The following FXR1 variants were observed in gnomAD, a reference collection of about 807,000 sequenced individuals.
FXR1 encodes RNA-binding protein FXR1.
In FXR1, 15 loss-of-function variants were observed where a neutral mutation model predicts 84.0. That is an observed-to-expected ratio of 0.18 (90% CI 0.12 to 0.27). FXR1 has a LOEUF of 0.27. Among genes scored for constraint, FXR1 ranks in the 10% least tolerant of loss-of-function variants. The pLI, the probability that FXR1 is intolerant of heterozygous loss-of-function variation, is 1.00. For synonymous variants in FXR1, 245 were observed against 250.7 expected, an observed-to-expected ratio of 0.98 and a Z score of 0.21; for missense variants, 480 against 774.4, an observed-to-expected ratio of 0.62 and a Z score of 4.51.
intron 8 of FXR1, among the ~76,000 whole-genome samples, chr3:180,953,158 TAAAG>T (rs902644471): frequency 2.6e-5 from 4 of 152,208 alleles, no homozygotes; most frequent in African/African-American, 7.2e-5. Context: ...CTGTGGTTAT[TAAAG>T]AACACACGTT....
intron 15 of FXR1, among the ~76,000 whole-genome samples, chr3:180,972,453 CAAAA>C (rs772593538): frequency 1.3e-4 from 20 of 149,822 alleles, no homozygotes; most frequent in Non-Finnish European, 2.2e-4. Flanking sequence ...GACCCTGTCT[CAAAA>C]AAAAATGTTT....
chr3:180,935,577 G>A (rs751654284), intron 3 of FXR1, among the ~76,000 whole-genome samples: 1 of 152,100 alleles, frequency 6.6e-6, no homozygotes, highest in African/African-American at 2.4e-5. Flanking sequence ...TTGTCTTAAC[G>A]ATTTGCCTGG....
At chr3:180,924,493 G>A (rs1718940925) in intron 1 of FXR1, among the ~76,000 whole-genome samples, 1 of 152,184 alleles carries the variant, frequency 6.6e-6, no homozygotes, top group Non-Finnish European at 1.5e-5. Context: ...GCTGTGTAGG[G>A]TGCAGAGCAG....
At chr3:180,950,450 T>C (rs1722114782) in intron 7 of FXR1, among the ~76,000 whole-genome samples, 2 of 152,190 alleles carry the variant, frequency 1.3e-5, no homozygotes, top group Non-Finnish European at 2.9e-5. Flanking sequence ...TTAAAAAAAT[T>C]TATGTGGGTT....
At chr3:180,915,702 T>C in intron 1 of FXR1, 1 of 698,606 alleles carries the variant, frequency 1.4e-6, no homozygotes. Flanking sequence ...TGGCCGTAAG[T>C]GTGAATTGCC....
chr3:180,924,254 G>T (rs1454362479), intron 1 of FXR1, among the ~76,000 whole-genome samples: 1 of 151,954 alleles, frequency 6.6e-6, no homozygotes, highest in Non-Finnish European at 1.5e-5. Context: ...CCAGCCTTCA[G>T]CCCGAGTTTC....
intron 3 of FXR1, among the ~76,000 whole-genome samples, chr3:180,945,553 C>T (rs991556646): frequency 4.6e-5 from 7 of 152,114 alleles, no homozygotes; most frequent in Admixed American, 4.6e-4. Context: ...CACAGGTGCA[C>T]GCTACGACAC....
Position 180,981,987 on chromosome 3 carries a change from C to G in FXR1, c.*5695C>G, listed in dbSNP as rs1301847373. On this transcript the variant is annotated 3_prime_UTR_variant, in exon 17 of 17. Coordinates refer to ENST00000357559, the MANE Select transcript of FXR1 (RefSeq NM_005087.4). The stretch of plus-strand genomic sequence containing the variant: ...TAAAGACAAAGGCCCCAAGCTAGAT[C>G]TGTAGAGATAAGTACTAGACTCACA... The G allele has an allele frequency of 1.3e-5, 2 of 152,002 alleles. No individual in the cohort carries two copies. The highest frequency in any genetic ancestry group is 2.9e-5 in the Non-Finnish European group (2 of 67,934). 9.4% of individuals were successfully genotyped at this position (152,002 alleles called of 1,614,324 possible).
chr3:180,945,919 T>C (rs1721648947), intron 3 of FXR1, among the ~76,000 whole-genome samples: 1 of 134,894 alleles, frequency 7.4e-6, no homozygotes, highest in South Asian at 2.4e-4. Flanking sequence ...ATACATCGTT[T>C]GAGAAATACA....
chr3:180,923,402 T>C (rs1289418631), intron 1 of FXR1, among the ~76,000 whole-genome samples: 2 of 152,186 alleles, frequency 1.3e-5, no homozygotes, highest in Non-Finnish European at 2.9e-5. Context: ...AGGGATCTTA[T>C]TTTCCTTACA....
intron 1 of FXR1, chr3:180,927,613 TA>T: frequency 1.7e-6 from 1 of 595,368 alleles, no homozygotes; most frequent in South Asian, 1.9e-5. Context: ...ATTCATAAAG[TA>T]AGCAGATATC....
chr3:180,958,409 G>T (rs1395533416), intron 10 of FXR1, among the ~76,000 whole-genome samples: 1 of 152,010 alleles, frequency 6.6e-6, no homozygotes, highest in African/African-American at 2.4e-5. Flanking sequence ...TCCACACTGA[G>T]TCTCCAAAGT....
chr3:180,941,318 G>T (rs2108454557), intron 3 of FXR1, among the ~76,000 whole-genome samples: 1 of 151,776 alleles, frequency 6.6e-6, no homozygotes, highest in East Asian at 1.9e-4. Flanking sequence ...TCAGCTTCTT[G>T]AGTAGCTGGG....
rs1001674702 is a variant in FXR1 at position 180,980,655 on chromosome 3, G to GTGTT, written c.*4364_*4367dup. On this transcript the variant is annotated 3_prime_UTR_variant, in exon 17 of 17. Transcript: ENST00000357559. Reference sequence around the variant, plus strand: ...TTTCATTAACTGAAACTGCTGTAAGGTGTTAGCAAATGTTAACCATAACAG... The same window carrying GTGTT: ...TTTCATTAACTGAAACTGCTGTAAGGTGTTTGTTAGCAAATGTTAACCATAACAG... 1.4e-4 allele frequency: 21 copies of GTGTT among 151,906 alleles called. No individual in the cohort carries two copies. The highest frequency in any genetic ancestry group is 4.6e-4 in the African/African-American group (19 of 41,414). The allele number at this position is 151,906 out of a possible 1,614,324, so 9.4% of individuals were successfully genotyped here.
At chr3:180,974,252 G>A (rs905827744) in intron 15 of FXR1, among the ~76,000 whole-genome samples, 1 of 149,874 alleles carries the variant, frequency 6.7e-6, no homozygotes, top group Non-Finnish European at 1.5e-5. Context: ...TCCACCTCCC[G>A]GGTTCAAGCA....
In FXR1 at chr3:180,963,078, A is replaced by G. The variant is rs777462606; in HGVS notation, c.1186A>G (p.Thr396Ala). 5 of 1,429,322 alleles carry G rather than the reference A, an allele frequency of 3.5e-6. No homozygotes were observed. The Admixed American group carries it at 5.9e-5, about 17-fold the overall frequency. The allele number at this position is 1,429,322 out of a possible 1,614,324, so 88.5% of individuals were successfully genotyped here. ...RGRGRRGPNY[T>A]SGYGTNSELS... ...CAGAGGTCGTCGGGGACCTAATTACACCTCCGGTTATGGTAAAAAAAAATT... is the reference window on the plus strand; with the variant it reads ...CAGAGGTCGTCGGGGACCTAATTACGCCTCCGGTTATGGTAAAAAAAAATT... The change falls in exon 13 of 17, where the codon ACC (threonine) becomes GCC (alanine). Residue 396 changes from threonine (T) to alanine (A), a missense_variant. Around this residue, in one of 6 missense-constraint regions of FXR1, gnomAD observed 157 missense variants for 227.8 expected, o/e 0.69. Coordinates refer to ENST00000357559, the MANE Select transcript of FXR1 (RefSeq NM_005087.4).
chr3:180,926,061 C>G (rs539199888), intron 1 of FXR1, among the ~76,000 whole-genome samples: 8 of 152,252 alleles, frequency 5.3e-5, no homozygotes, highest in Middle Eastern at 6.8e-3. Context: ...TACTTTACCA[C>G]AAGTTTGCAT....
chr3:180,917,460 T>G (rs888893384), intron 1 of FXR1, among the ~76,000 whole-genome samples: 1 of 152,192 alleles, frequency 6.6e-6, no homozygotes, highest in Non-Finnish European at 1.5e-5. Flanking sequence ...TAGTTCCAGA[T>G]AATTTAAAAT....
intron 1 of FXR1, among the ~76,000 whole-genome samples, chr3:180,931,520 A>G (rs559490006): frequency 6.6e-6 from 1 of 152,212 alleles, no homozygotes; most frequent in African/African-American, 2.4e-5. Flanking sequence ...CACCGGGCCT[A>G]CCATAGCAAT....
Sources: allele counts gnomAD v4.1 joint callset (sites outside exome capture counted in the v4.1 genomes callset), GRCh38; gene constraint gnomAD v4.1.1; regional missense constraint gnomAD v4.1.1; transcripts MANE v1.5; gene names NCBI Gene and HGNC (gene_info 2026-07-23, HGNC 2026-07-21).